OBP2B: variants seen among roughly 807,000 people sequenced by gnomAD.
The protein encoded by OBP2B is odorant-binding protein 2b.
In OBP2B, 10 loss-of-function variants were observed where a neutral mutation model predicts 21.7. The ratio of observed to expected loss-of-function variants is 0.46; its 90% CI spans 0.28 to 0.78. The LOEUF is 0.78. Ranked by LOEUF, OBP2B falls within the 30% of genes least tolerant of loss-of-function variation. OBP2B has a pLI of 0.11. For synonymous variants in OBP2B, 73 were observed against 91.5 expected, an observed-to-expected ratio of 0.80 and a Z score of 1.16; for missense variants, 153 against 217.7, an observed-to-expected ratio of 0.70 and a Z score of 1.87.
At chr9:133,208,746 A>G in intron 1 of OBP2B, 144 bp from the exon 2 acceptor site, 1 of 1,418,046 alleles carries the variant, frequency 7.1e-7, no homozygotes, top group African/African-American at 1.4e-5. Context: ...CACCTTAGTT[A>G]GAGCTCAGCT....
chr9:133,217,043 C>G, the OBP2B span, among the ~76,000 whole-genome samples: 2 of 151,936 alleles, frequency 1.3e-5, no homozygotes, highest in Admixed American at 1.3e-4. Flanking sequence ...AACAGATACA[C>G]TCCCACACAT....
At chr9:133,211,117 C>G (rs371215480), upstream of OBP2B, among the ~76,000 whole-genome samples, 7 of 152,260 alleles carry the variant, frequency 4.6e-5, no homozygotes, top group East Asian at 1.2e-3. Context: ...GGGCTTTACT[C>G]GACACCTGGG....
At chr9:133,207,800 C>T in intron 3 of OBP2B, 1 of 1,321,230 alleles carries the variant, frequency 7.6e-7, no homozygotes, top group Non-Finnish European at 1.0e-6. Context: ...CCATCCTTAA[C>T]CCTCAGCTTC....
At chr9:133,208,057 CTCTCTA>C in intron 3 of OBP2B, 70 bp downstream of exon 3, 1 of 1,514,236 alleles carries the variant, frequency 6.6e-7, no homozygotes, top group Non-Finnish European at 8.9e-7. Flanking sequence ...AGCCTGGGCA[CTCTCTA>C]CCTGTGGAGG....
At position 133,208,320 on chromosome 9, in the gene OBP2B, C is replaced by T. The variant is rs1420506833; in HGVS notation, c.207-117G>A. The T allele has an allele frequency of 6.9e-6, 11 of 1,600,282 alleles. 1 individual carries two copies. In the South Asian group the frequency reaches 1.2e-4, roughly 18 times the overall value. Reference sequence around the variant, plus strand: ...GAAAATTCCACTGCCCCCCACCCCACCGAGCTTCAGGATGCCCAGGCTGTT... The same window carrying T: ...GAAAATTCCACTGCCCCCCACCCCATCGAGCTTCAGGATGCCCAGGCTGTT... On this transcript the variant is annotated intron_variant, in intron 2 of 6. Coordinates refer to ENST00000372034, the MANE Select transcript of OBP2B (RefSeq NM_014581.4).
chr9:133,206,631 G>T, intron 4 of OBP2B: 2 of 622,978 alleles, frequency 3.2e-6, no homozygotes, highest in East Asian at 2.8e-5. Context: ...CAGAGCTCTG[G>T]GGTGGGGCCG....
At position 133,206,023 on chromosome 9, in the gene OBP2B, C is replaced by T. The variant is rs1386939689; in HGVS notation, c.491-83G>A. On this transcript the variant is annotated intron_variant, in intron 5 of 6. Transcript: ENST00000372034. ...CCCATCGCAGCCCAGAGCTCAGAGCCCCAGAGCCCATCGCAGCCCAGAGCG... is the reference window on the plus strand; with the variant it reads ...CCCATCGCAGCCCAGAGCTCAGAGCTCCAGAGCCCATCGCAGCCCAGAGCG... 3 of 1,588,988 alleles carry T rather than the reference C, an allele frequency of 1.9e-6. No individual in the cohort carries two copies. In the African/African-American group the frequency reaches 4.0e-5, roughly 21 times the overall value.
chr9:133,207,676 GCC>G (rs1266448446), intron 3 of OBP2B, among the ~76,000 whole-genome samples: 1 of 139,132 alleles, frequency 7.2e-6, no homozygotes, highest in Non-Finnish European at 1.5e-5. Flanking sequence ...CTAACCCTCG[GCC>G]TCCCCATCCC....
chr9:133,219,871 C>A, the OBP2B span, among the ~76,000 whole-genome samples: 14 of 152,246 alleles, frequency 9.2e-5, no homozygotes, highest in Non-Finnish European at 4.4e-5. Context: ...AGAAACAACT[C>A]AAATGTCTAC....
upstream of OBP2B, among the ~76,000 whole-genome samples, chr9:133,214,225 C>A (rs1224631473): frequency 6.6e-6 from 1 of 152,184 alleles, no homozygotes; most frequent in East Asian, 1.9e-4. Flanking sequence ...TGACAAAGAG[C>A]ATCTACAAAA....
At chr9:133,207,920 C>T (rs1344308604) in intron 3 of OBP2B, 1 of 1,533,762 alleles carries the variant, frequency 6.5e-7, no homozygotes, top group African/African-American at 1.4e-5. Flanking sequence ...CAGGCGTGAT[C>T]TGGTCCATCT....
At chr9:133,222,156 G>A in the OBP2B span, among the ~76,000 whole-genome samples, 4 of 152,312 alleles carry the variant, frequency 2.6e-5, no homozygotes, top group African/African-American at 4.8e-5. Flanking sequence ...TACTGAGCAC[G>A]GCAGAGCTCT....
upstream of OBP2B, chr9:133,209,368 G>A (rs1588619144): frequency 4.0e-6 from 3 of 752,816 alleles, no homozygotes; most frequent in East Asian, 2.7e-5. The surrounding 1 kb of genome is among the most constrained non-coding windows in gnomAD (Gnocchi z 6.0). Flanking sequence ...GGGAGGGGGA[G>A]TGTCCTCATT....
upstream of OBP2B, among the ~76,000 whole-genome samples, chr9:133,213,023 G>C (rs571205550): frequency 6.8e-5 from 10 of 146,938 alleles, no homozygotes; most frequent in East Asian, 1.9e-3. Context: ...TCAGGAGTTC[G>C]AGACCAGCCT....
chr9:133,205,745 C>G (rs527337399), intron 6 of OBP2B, 172 bp downstream of exon 6: 3 of 953,068 alleles, frequency 3.1e-6, no homozygotes, highest in South Asian at 1.5e-5. Context: ...AAGGACTTCC[C>G]GAATGTCCCA....
chr9:133,210,204 G>A (rs1219120373), upstream of OBP2B, among the ~76,000 whole-genome samples: 1 of 151,980 alleles, frequency 6.6e-6, no homozygotes, highest in Non-Finnish European at 1.5e-5. Flanking sequence ...TCTCCCTCCC[G>A]GACCCTGCAT....
chr9:133,207,391 G>C, intron 3 of OBP2B, 55 bp from the exon 4 acceptor site: 1 of 1,201,296 alleles, frequency 8.3e-7, no homozygotes, highest in Non-Finnish European at 1.2e-6. Context: ...GGGGCCACAT[G>C]AAGAAACACT....
the OBP2B span, among the ~76,000 whole-genome samples, chr9:133,222,351 A>G: frequency 6.6e-6 from 1 of 152,224 alleles, no homozygotes; most frequent in Non-Finnish European, 1.5e-5. Context: ...GCCCCTTCTT[A>G]GAGCTTTTGC....
upstream of OBP2B, among the ~76,000 whole-genome samples, chr9:133,212,588 G>A (rs542998030): frequency 1.7e-4 from 26 of 152,306 alleles, no homozygotes; most frequent in African/African-American, 6.3e-4. Flanking sequence ...GGTCAAAGAG[G>A]AAGCCTGAAG....
Sources: allele counts gnomAD v4.1 joint callset (sites outside exome capture counted in the v4.1 genomes callset), GRCh38; gene constraint gnomAD v4.1.1; non-coding constraint Gnocchi (gnomAD v3.1); transcripts MANE v1.5; gene names NCBI Gene and HGNC (gene_info 2026-07-23, HGNC 2026-07-21).